Variants in GALNT13 observed in about 807,000 individuals in gnomAD.
GALNT13 encodes the protein polypeptide N-acetylgalactosaminyltransferase 13.
In GALNT13, 28 loss-of-function variants were observed where a neutral mutation model predicts 64.2. The ratio of observed to expected loss-of-function variants is 0.44; its 90% CI spans 0.32 to 0.60. The LOEUF (loss-of-function observed/expected upper bound fraction) is 0.60. Ranked by LOEUF, GALNT13 falls within the 20% of genes least tolerant of loss-of-function variation. The pLI is 0.05. For synonymous variants in GALNT13, 214 were observed against 224.6 expected, an observed-to-expected ratio of 0.95 and a Z score of 0.42; for missense variants, 577 against 669.8, an observed-to-expected ratio of 0.86 and a Z score of 1.53.
At chr2:153,556,041 T>C in the GALNT13 span, among the ~76,000 whole-genome samples, 2 of 152,218 alleles carry the variant, frequency 1.3e-5, no homozygotes, top group Non-Finnish European at 2.9e-5. Context: ...TAATATCTCT[T>C]TCTGCAATTA....
At chr2:153,547,024 A>G in the GALNT13 span, among the ~76,000 whole-genome samples, 1 of 152,198 alleles carries the variant, frequency 6.6e-6, no homozygotes, top group Non-Finnish European at 1.5e-5. Flanking sequence ...TGCCTAATGG[A>G]ATGGAGGTGA....
At chr2:153,343,638 T>G in the GALNT13 span, among the ~76,000 whole-genome samples, 1 of 152,140 alleles carries the variant, frequency 6.6e-6, no homozygotes, top group Non-Finnish European at 1.5e-5. Flanking sequence ...GCATAACATT[T>G]CCATATTTTT....
rs538440923 is a variant in GALNT13 at position 154,182,597 on chromosome 2, A to G, written c.311+42092A>G. ...GGTTATAACTAATTTTATCTGTTTT[A>G]TAAGAAATTAAAGCAGAAAAAATAT... is the stretch of plus-strand genomic sequence containing the variant. On this transcript the variant is annotated intron_variant, in intron 4 of 12. Transcript: ENST00000392825. 3.0e-3 allele frequency among the ~76,000 whole-genome samples: 449 copies of G among 150,038 alleles called. 2 individuals are homozygous for G. Among genetic ancestry groups the G allele is most frequent in the African/African-American group, 0.01 (426 of 41,184 alleles).
At chr2:153,637,672 C>G in the GALNT13 span, among the ~76,000 whole-genome samples, 1 of 152,058 alleles carries the variant, frequency 6.6e-6, no homozygotes, top group Admixed American at 6.6e-5. Context: ...GAACACCTGT[C>G]AGAAATTGTG....
At chr2:154,168,297 G>C (rs1348542858) in intron 4 of GALNT13, among the ~76,000 whole-genome samples, 8 of 152,074 alleles carry the variant, frequency 5.3e-5, no homozygotes, top group Admixed American at 5.2e-4. Flanking sequence ...TAAATTCAAA[G>C]GCATCCTACC....
At chr2:154,290,197 A>C (rs548114812) in intron 8 of GALNT13, among the ~76,000 whole-genome samples, 1 of 152,292 alleles carries the variant, frequency 6.6e-6, no homozygotes, top group East Asian at 1.9e-4. Flanking sequence ...TGGAAGTCTC[A>C]CACCCTCCTA....
At chr2:153,569,423 G>A in the GALNT13 span, among the ~76,000 whole-genome samples, 5 of 151,526 alleles carry the variant, frequency 3.3e-5, no homozygotes, top group African/African-American at 1.2e-4. Context: ...TTGTAAAATT[G>A]GTTTTGGGTT....
the GALNT13 span, among the ~76,000 whole-genome samples, chr2:153,435,540 T>A: frequency 2.0e-5 from 3 of 151,516 alleles, no homozygotes; most frequent in Admixed American, 6.6e-5. Flanking sequence ...GAAGAGGTCC[T>A]TCACGTCCCT....
the GALNT13 span, among the ~76,000 whole-genome samples, chr2:153,857,273 A>T: frequency 6.6e-6 from 1 of 152,110 alleles, no homozygotes; most frequent in African/African-American, 2.4e-5. Context: ...TTTCCAGTGG[A>T]GGAGGTGGTT....
chr2:154,245,234 A>G (rs1689718531), intron 6 of GALNT13, among the ~76,000 whole-genome samples: 1 of 152,160 alleles, frequency 6.6e-6, no homozygotes, highest in Non-Finnish European at 1.5e-5. Context: ...AGGACATTTT[A>G]CTCAGAAATG....
the GALNT13 span, among the ~76,000 whole-genome samples, chr2:153,197,631 T>C: frequency 6.6e-6 from 1 of 152,212 alleles, no homozygotes; most frequent in Non-Finnish European, 1.5e-5. Context: ...CCAACACCCA[T>C]GCCCCAGGCA....
At chr2:153,435,602 G>C in the GALNT13 span, among the ~76,000 whole-genome samples, 7 of 152,110 alleles carry the variant, frequency 4.6e-5, no homozygotes, top group South Asian at 6.2e-4. Flanking sequence ...TTGTGAATGG[G>C]ATTTCACTCA....
At chr2:154,073,112 C>T (rs992405657) in intron 3 of GALNT13, among the ~76,000 whole-genome samples, 2 of 151,924 alleles carry the variant, frequency 1.3e-5, no homozygotes, top group African/African-American at 4.8e-5. Flanking sequence ...CTGATGTCTA[C>T]ATTTGAAGGA....
intron 3 of GALNT13, among the ~76,000 whole-genome samples, chr2:153,963,619 G>A (rs1484928542): frequency 2.0e-5 from 3 of 151,940 alleles, no homozygotes; most frequent in Non-Finnish European, 4.4e-5. Context: ...CCATTTTACT[G>A]AGTTAATTGT....
At chr2:153,501,631 C>T in the GALNT13 span, among the ~76,000 whole-genome samples, 1 of 152,146 alleles carries the variant, frequency 6.6e-6, no homozygotes. Flanking sequence ...CGCACCCGGC[C>T]ACCTCCTTTG....
At chr2:154,211,327 A>G (rs1461583676) in intron 4 of GALNT13, among the ~76,000 whole-genome samples, 2 of 152,022 alleles carry the variant, frequency 1.3e-5, no homozygotes, top group African/African-American at 4.8e-5. Flanking sequence ...ATATCTACAC[A>G]TAGAAAAAGG....
At chr2:154,430,372 C>A (rs1339786042) in intron 11 of GALNT13, among the ~76,000 whole-genome samples, 3 of 152,038 alleles carry the variant, frequency 2.0e-5, no homozygotes, top group Non-Finnish European at 2.9e-5. Context: ...TTCAAGACAT[C>A]AGTGGAGGAA....
the GALNT13 span, among the ~76,000 whole-genome samples, chr2:153,644,511 A>G: frequency 5.9e-5 from 9 of 152,120 alleles, no homozygotes; most frequent in Admixed American, 2.6e-4. Flanking sequence ...TAGCAGTACT[A>G]GTAGAGGGAT....
intron 9 of GALNT13, among the ~76,000 whole-genome samples, chr2:154,372,804 G>A (rs1010835363): frequency 6.4e-5 from 6 of 93,728 alleles, no homozygotes; most frequent in African/African-American, 1.9e-4. Flanking sequence ...TTCACAGTGT[G>A]CATACATTGC....
Sources: gnomAD v4.1 joint callset for allele counts (sites outside exome capture counted in the v4.1 genomes callset) on GRCh38, gnomAD v4.1.1 for gene constraint, MANE v1.5 for transcripts, NCBI Gene and HGNC (gene_info 2026-07-23, HGNC 2026-07-21) for gene names.